Variants in ABCD2 observed in about 807,000 individuals in gnomAD.
The protein encoded by ABCD2 is ATP-binding cassette sub-family D member 2.
ABCD2 carries 36 observed loss-of-function variants against 70.9 expected under a neutral mutation model. The ratio of observed to expected loss-of-function variants is 0.51; its 90% CI spans 0.39 to 0.67. ABCD2 has a LOEUF of 0.67. Ranked by LOEUF, ABCD2 falls within the 30% of genes least tolerant of loss-of-function variation. The probability of loss-of-function intolerance (pLI) is 0.00; values close to 1 mark genes in which losing one functional copy is unlikely to be tolerated. For missense variants in ABCD2, 729 were observed against 890.2 expected (o/e 0.82, Z 2.30); for synonymous variants, 304 against 306.9 (o/e 0.99, Z 0.10).
the ABCD2 span, among the ~76,000 whole-genome samples, chr12:39,540,341 C>T: frequency 6.6e-6 from 1 of 152,156 alleles, no homozygotes; most frequent in Non-Finnish European, 1.5e-5. Context: ...CATAAATTCT[C>T]ATCAGATGGG....
the ABCD2 span, among the ~76,000 whole-genome samples, chr12:39,538,311 A>AG: frequency 1.3e-5 from 2 of 151,864 alleles, no homozygotes; most frequent in African/African-American, 4.8e-5. Context: ...CTAGGACTAC[A>AG]GGTGCCTGCC....
chr12:39,579,349 G>A (rs1941564790), intron 8 of ABCD2, among the ~76,000 whole-genome samples, 186 bp downstream of exon 8: 1 of 152,178 alleles, frequency 6.6e-6, no homozygotes, highest in African/African-American at 2.4e-5. Context: ...CTGACAGAGC[G>A]AGACTCTGTC....
rs1432044925 is a variant in ABCD2 at position 39,579,611 on chromosome 12, C to T, written c.1801G>A (p.Ala601Thr). ...HIVQREGGWD[A>T]VMDWKDVLSG... ...AGGACATCTTTCCAGTCCATAACAG[C>T]ATCCCATCCTTAAGAAAATAAAAAA... The change falls in exon 8 of 10, where the codon GCT becomes ACT. Residue 601 changes from alanine (A) to threonine (T), a missense_variant. Physicochemically the swap from Ala to Thr is moderately conservative, Grantham distance 58. Transcript: ENST00000308666. 4.4e-6 allele frequency: 7 copies of T among 1,606,148 alleles called. No individual in the cohort carries two copies. Among genetic ancestry groups the T allele is most frequent in the African/African-American group, 1.3e-5 (1 of 74,872 alleles).
downstream of ABCD2, among the ~76,000 whole-genome samples, chr12:39,549,604 A>C (rs1457418196): frequency 6.6e-6 from 1 of 151,932 alleles, no homozygotes; most frequent in Non-Finnish European, 1.5e-5. Flanking sequence ...TAAAAAAAAT[A>C]CAAAGTGTAA....
At position 39,573,743 on chromosome 12, in the gene ABCD2, A is replaced by C; in HGVS notation, c.1976T>G (p.Leu659Arg). ...AAGAGAAGGTCTGTGTGTTATAGAC[A>C]GTAAGGAAATTCCAGCCCCTTTTGC... is the stretch of plus-strand genomic sequence containing the variant. The part of the protein sequence containing the change: ...QAAKGAGISL[L>R]SITHRPSLWK... The change falls in exon 9 of 10, where the codon CTG becomes CGG. Residue 659 changes from leucine (L) to arginine (R), a missense_variant. Physicochemically the swap from Leu to Arg is moderately radical, Grantham distance 102 (BLOSUM62 -2). Around this residue, in one of 3 missense-constraint regions of ABCD2, gnomAD observed 289 missense variants for 328.8 expected, o/e 0.88. Coordinates refer to ENST00000308666, the MANE Select transcript of ABCD2 (RefSeq NM_005164.4). The C allele has an allele frequency of 6.2e-7, 1 of 1,613,420 alleles. No homozygotes were observed. Among genetic ancestry groups the C allele is most frequent in the Non-Finnish European group, 8.5e-7 (1 of 1,179,436 alleles).
At chr12:39,611,523 C>A (rs977904502) in intron 2 of ABCD2, among the ~76,000 whole-genome samples, 1 of 151,958 alleles carries the variant, frequency 6.6e-6, no homozygotes, top group African/African-American at 2.4e-5. Flanking sequence ...TTATAACCTG[C>A]GCCTATCCTC....
At chr12:39,610,361 A>C (rs1942028930) in intron 2 of ABCD2, among the ~76,000 whole-genome samples, 1 of 152,184 alleles carries the variant, frequency 6.6e-6, no homozygotes, top group South Asian at 2.1e-4. Context: ...CTAAAGAAGG[A>C]AAACAAAAAG....
At chr12:39,559,577 T>C (rs952794456) in intron 9 of ABCD2, among the ~76,000 whole-genome samples, 8 of 151,844 alleles carry the variant, frequency 5.3e-5, no homozygotes, top group African/African-American at 1.7e-4. Flanking sequence ...TACCCGATGA[T>C]ATATTACAAT....
At chr12:39,613,385 C>CAAAAAAAAAAAAA (rs71075064) in intron 2 of ABCD2, among the ~76,000 whole-genome samples, 1 of 23,608 alleles carries the variant, frequency 4.2e-5, no homozygotes, top group Non-Finnish European at 6.1e-5. Context: ...GACTCCGTCT[C>CAAAAAAAAAAAAA]AAAAAAAAAA....
At chr12:39,558,193 A>G (rs771438761) in intron 9 of ABCD2, among the ~76,000 whole-genome samples, 1 of 152,230 alleles carries the variant, frequency 6.6e-6, no homozygotes, top group Non-Finnish European at 1.5e-5. Context: ...GAGCTTTAAG[A>G]TTTGACTGAT....
At chr12:39,576,205 G>A (rs539452800) in intron 8 of ABCD2, among the ~76,000 whole-genome samples, 1 of 152,324 alleles carries the variant, frequency 6.6e-6, no homozygotes, top group Admixed American at 6.5e-5. Context: ...CTATTGCCAG[G>A]TTGGAGTGCA....
At position 39,618,855 on chromosome 12, in the gene ABCD2, A is replaced by C. The variant is rs201891055; in HGVS notation, c.761T>G (p.Ile254Ser). 32 of 1,614,096 alleles carry C rather than the reference A, an allele frequency of 2.0e-5. No individual in the cohort carries two copies. Among genetic ancestry groups the C allele is most frequent in the Non-Finnish European group, 1.7e-6 (2 of 1,180,048 alleles). The stretch of plus-strand genomic sequence containing the variant: ...AAGTCCTGCTAGTAGGGTGGGCCCA[A>C]TTGGGCTTGCTCCTCTGGATGTAGC... Reference protein sequence around the residue: ...QTATSRGASPIGPTLLAGLVV... With the variant: ...QTATSRGASPSGPTLLAGLVV... The change falls in exon 1 of 10, where the codon ATT (isoleucine) becomes AGT (serine). Residue 254 changes from isoleucine (I) to serine (S), a missense_variant. Ile to Ser is a moderately radical substitution (Grantham distance 142, BLOSUM62 -2). This residue lies in a region of ABCD2 where 195 missense variants were observed against 300.2 expected (regional missense o/e 0.65). Coordinates refer to ENST00000308666, the MANE Select transcript of ABCD2 (RefSeq NM_005164.4).
chr12:39,563,939 C>T (rs934591178), intron 9 of ABCD2, among the ~76,000 whole-genome samples: 11 of 152,142 alleles, frequency 7.2e-5, no homozygotes, highest in Non-Finnish European at 1.3e-4. Context: ...CATCCATGTC[C>T]TTACAAAAGA....
intron 6 of ABCD2, among the ~76,000 whole-genome samples, chr12:39,592,282 A>T (rs563031000): frequency 1.3e-5 from 2 of 152,352 alleles, no homozygotes; most frequent in African/African-American, 4.8e-5. Context: ...TAAATGACAG[A>T]TATTTATCCC....
chr12:39,579,218 C>T (rs939601323), intron 8 of ABCD2, among the ~76,000 whole-genome samples: 54 of 152,056 alleles, frequency 3.6e-4, no homozygotes, highest in African/African-American at 1.1e-3. Context: ...AAAAATTAGC[C>T]GGGCGTGGTG....
chr12:39,566,157 G>T (rs2120565550), intron 9 of ABCD2, among the ~76,000 whole-genome samples: 1 of 152,318 alleles, frequency 6.6e-6, no homozygotes, highest in Non-Finnish European at 1.5e-5. Context: ...ATGAGTTAGG[G>T]AGGATTCGCT....
intron 7 of ABCD2, among the ~76,000 whole-genome samples, chr12:39,581,852 C>T (rs1168788778): frequency 2.0e-5 from 3 of 152,130 alleles, no homozygotes; most frequent in African/African-American, 7.2e-5. Context: ...GCCTCTGACC[C>T]TGATTTAGTG....
intron 9 of ABCD2, among the ~76,000 whole-genome samples, chr12:39,567,627 T>A (rs1941374819): frequency 8.9e-6 from 1 of 112,476 alleles, no homozygotes; most frequent in Non-Finnish European, 1.7e-5. Context: ...TTAGCCCATT[T>A]ACATTTAAGG....
rs147433230 is a variant in ABCD2, at chr12:39,611,103, T to C, written c.1121-3389A>G. On this transcript the variant is annotated intron_variant, in intron 2 of 9. Coordinates refer to ENST00000308666, the MANE Select transcript of ABCD2 (RefSeq NM_005164.4). The stretch of plus-strand genomic sequence containing the variant: ...GATAGTAAAGAGTACATATTGAAAA[T>C]TGGTCACATGTCTTGTTATTTCACA... Among the ~76,000 whole-genome samples the C allele has an allele frequency of 6.9e-4, 105 of 152,304 alleles. 1 individual carries two copies. In the East Asian group the frequency reaches 0.017, roughly 25 times the overall value.
Sources: gnomAD v4.1 joint callset for allele counts (sites outside exome capture counted in the v4.1 genomes callset) on GRCh38, gnomAD v4.1.1 for gene constraint, gnomAD v4.1.1 regional missense constraint, MANE v1.5 for transcripts, NCBI Gene and HGNC (gene_info 2026-07-23, HGNC 2026-07-21) for gene names.